The following MMP26 variants were observed in gnomAD, a reference collection of about 807,000 sequenced individuals.
MMP26 encodes matrix metallopeptidase 26, also known as matrix metalloproteinase-26.
Under a neutral mutation model 31.0 loss-of-function variants are expected in MMP26, and 33 were observed. The ratio of observed to expected loss-of-function variants is 1.06; its 90% CI spans 0.81 to 1.42. The LOEUF (loss-of-function observed/expected upper bound fraction) is 1.42. Ranked by LOEUF, MMP26 falls within the 40% of genes most tolerant of loss-of-function variation. The pLI, the probability that MMP26 is intolerant of heterozygous loss-of-function variation, is 0.00. For synonymous variants in MMP26, 122 were observed against 114.9 expected (o/e 1.06, Z -0.40); for missense variants, 347 against 316.1 (o/e 1.10, Z -0.74).
At position 4,988,169 on chromosome 11, in the gene MMP26, T is replaced by C. The variant is rs767179410; in HGVS notation, c.-43T>C. The C allele has an allele frequency of 6.4e-6, 10 of 1,562,756 alleles. No homozygotes were observed. The East Asian group carries it at 1.1e-4, about 18-fold the overall frequency. ...AGCTATAAAGATCCAGTGGCCCAAG[T>C]TGTGTACCTGAATTCAAGCAGTGGG... On this transcript the variant is annotated 5_prime_UTR_variant, in exon 3 of 8. Transcript: ENST00000380390.
At chr11:4,957,003 A>T (rs1366418704) in intron 2 of MMP26, among the ~76,000 whole-genome samples, 2 of 152,102 alleles carry the variant, frequency 1.3e-5, no homozygotes, top group East Asian at 3.9e-4. Context: ...GATGAAGAAA[A>T]TTTTTCTCAA....
At chr11:4,798,353 A>T (rs1257369689) in intron 2 of MMP26, among the ~76,000 whole-genome samples, 1 of 152,352 alleles carries the variant, frequency 6.6e-6, no homozygotes, top group South Asian at 2.1e-4. Context: ...TTTCATGTCA[A>T]GGTGGGACTA....
intron 1 of MMP26, chr11:4,723,035 A>T (rs1848037191): frequency 9.6e-7 from 1 of 1,047,100 alleles, no homozygotes; most frequent in Non-Finnish European, 1.5e-6. Flanking sequence ...CTCGATATCC[A>T]GGGCCAGTTT....
At chr11:4,772,415 C>A (rs543760262) in intron 2 of MMP26, among the ~76,000 whole-genome samples, 9 of 152,104 alleles carry the variant, frequency 5.9e-5, no homozygotes, top group African/African-American at 2.2e-4. Flanking sequence ...ACTTTACACC[C>A]AGTCTCTAGG....
chr11:4,809,999 G>C (rs1849328322), intron 2 of MMP26, among the ~76,000 whole-genome samples: 1 of 152,186 alleles, frequency 6.6e-6, no homozygotes, highest in South Asian at 2.1e-4. Flanking sequence ...CATATTTAAA[G>C]GGTTATGTCT....
At chr11:4,730,404 A>AAGAGAGAGAGAG (rs59289871) in intron 1 of MMP26, among the ~76,000 whole-genome samples, 7,079 of 144,860 alleles carry the variant, frequency 0.049, 219 homozygotes, top group African/African-American at 0.093. Flanking sequence ...GTTTCTGGGA[A>AAGAGAGAGAGAG]AGAGAGAGAG....
intron 2 of MMP26, among the ~76,000 whole-genome samples, chr11:4,842,287 T>C (rs997161352): frequency 6.6e-6 from 1 of 152,232 alleles, no homozygotes; most frequent in African/African-American, 2.4e-5. Context: ...TAATGGGTTA[T>C]AAAATAGTAT....
intron 2 of MMP26, chr11:4,821,545 T>A: frequency 6.2e-7 from 1 of 1,612,642 alleles, no homozygotes; most frequent in Non-Finnish European, 8.5e-7. Flanking sequence ...TGTTGCCGTC[T>A]CTGGAAATAG....
rs746119263 is a variant in MMP26, at chr11:4,768,933, T to C, written c.-145+1592T>C. 3.0e-6 allele frequency: 4 copies of C among 1,340,168 alleles called. No homozygotes were observed. In the Admixed American group the frequency reaches 7.1e-5, roughly 24 times the overall value. 83.0% of individuals were successfully genotyped at this position (1,340,168 alleles called of 1,614,324 possible). On this transcript the variant is annotated intron_variant, in intron 2 of 7. Transcript: ENST00000380390. ...AGAGAGCAAGTTCGCTTTTCTACAGTGCAAGTCATTCATGCCAGGTTTGTA... is the reference window on the plus strand; with the variant it reads ...AGAGAGCAAGTTCGCTTTTCTACAGCGCAAGTCATTCATGCCAGGTTTGTA...
intron 2 of MMP26, chr11:4,821,932 T>C (rs1053911560): frequency 1.2e-6 from 2 of 1,614,072 alleles, no homozygotes; most frequent in East Asian, 4.5e-5. Flanking sequence ...GTTGTCCTTC[T>C]GCAGTTCTAT....
chr11:4,802,631 T>C (rs1849198800), intron 2 of MMP26, among the ~76,000 whole-genome samples: 1 of 152,136 alleles, frequency 6.6e-6, no homozygotes, highest in Non-Finnish European at 1.5e-5. Flanking sequence ...AATAAAAACA[T>C]AATTAAATTA....
At chr11:4,830,801 A>G (rs1166743121) in intron 2 of MMP26, among the ~76,000 whole-genome samples, 1 of 152,182 alleles carries the variant, frequency 6.6e-6, no homozygotes, top group East Asian at 1.9e-4. Context: ...AATTCCAGAG[A>G]CAGACACCTG....
rs565713869 is a variant in MMP26, at chr11:4,731,458, A to T, written c.-217+26413A>T. Among the ~76,000 whole-genome samples, 241 of 152,262 alleles carry T rather than the reference A, an allele frequency of 1.6e-3. 1 individual carries two copies. Among genetic ancestry groups the T allele is most frequent in the Non-Finnish European group, 3.0e-3 (205 of 68,014 alleles). Reference sequence around the variant, plus strand: ...CAGTATGAAGATGAGAGCTCTAAGTATCCACTGGCATAAGGACTACGGCTA... The same window carrying T: ...CAGTATGAAGATGAGAGCTCTAAGTTTCCACTGGCATAAGGACTACGGCTA... On this transcript the variant is annotated intron_variant, in intron 1 of 7. Coordinates refer to ENST00000380390, the MANE Select transcript of MMP26 (RefSeq NM_021801.5).
chr11:4,932,232 G>T (rs840716), intron 2 of MMP26, among the ~76,000 whole-genome samples: 12,596 of 152,014 alleles, frequency 0.083, 727 homozygotes, highest in East Asian at 0.25. Context: ...AATCATTCTG[G>T]TCTGTGTTGT....
Position 4,791,326 on chromosome 11 carries a change from T to C in MMP26, c.-145+23985T>C, listed in dbSNP as rs1849023378. Among the ~76,000 whole-genome samples the C allele has an allele frequency of 7.9e-5, 12 of 152,206 alleles. No homozygotes were observed. The South Asian group carries it at 1.9e-3, about 24-fold the overall frequency. On this transcript the variant is annotated intron_variant, in intron 2 of 7. Coordinates refer to ENST00000380390, the MANE Select transcript of MMP26 (RefSeq NM_021801.5). The stretch of plus-strand genomic sequence containing the variant: ...CTTTAGATTCCAATAAGACTGCTGA[T>C]TGACATCTTATCCAAGTCGGAGACC...
chr11:4,975,988 C>T (rs899507705), intron 2 of MMP26, among the ~76,000 whole-genome samples: 5 of 151,968 alleles, frequency 3.3e-5, no homozygotes, highest in East Asian at 1.9e-4. Flanking sequence ...AAAAGTACTT[C>T]GTAATCAGTG....
At chr11:4,816,239 C>T (rs367798962) in intron 2 of MMP26, among the ~76,000 whole-genome samples, 1 of 152,072 alleles carries the variant, frequency 6.6e-6, no homozygotes, top group African/African-American at 2.4e-5. Flanking sequence ...ATACTTGATA[C>T]GATTTTGATC....
At chr11:4,773,404 T>C (rs1215504035) in intron 2 of MMP26, among the ~76,000 whole-genome samples, 1 of 152,140 alleles carries the variant, frequency 6.6e-6, no homozygotes, top group Non-Finnish European at 1.5e-5. Flanking sequence ...CTAGCCAACA[T>C]GTAGCAAGAA....
chr11:4,984,966 T>A (rs1377973056), intron 2 of MMP26, among the ~76,000 whole-genome samples: 4 of 152,150 alleles, frequency 2.6e-5, no homozygotes, highest in South Asian at 2.1e-4. Context: ...GATTTTTTTT[T>A]ATTTTTGCTT....
Sources: gnomAD v4.1 joint callset for allele counts (sites outside exome capture counted in the v4.1 genomes callset) on GRCh38, gnomAD v4.1.1 for gene constraint, MANE v1.5 for transcripts, NCBI Gene and HGNC (gene_info 2026-07-23, HGNC 2026-07-21) for gene names.